The following MACROD2 variants were observed in gnomAD, a reference collection of about 807,000 sequenced individuals.
MACROD2 encodes ADP-ribose glycohydrolase MACROD2.
In MACROD2, 36 loss-of-function variants were observed where a neutral mutation model predicts 70.4. The observed-to-expected ratio is 0.51, with a 90% CI of 0.39 to 0.68. The LOEUF is 0.68. Ranked by LOEUF, MACROD2 falls within the 30% of genes least tolerant of loss-of-function variation. The pLI is 0.00. For synonymous variants in MACROD2, 172 were observed against 178.8 expected, an observed-to-expected ratio of 0.96 and a Z score of 0.30; for missense variants, 496 against 538.4, an observed-to-expected ratio of 0.92 and a Z score of 0.78.
intron 5 of MACROD2, among the ~76,000 whole-genome samples, chr20:14,825,894 C>A (rs2072896937): frequency 6.6e-6 from 1 of 152,124 alleles, no homozygotes; most frequent in Admixed American, 6.5e-5. Context: ...CAAAAGATCG[C>A]CCTCCCATTT....
chr20:14,946,908 A>G (rs2074437363), intron 5 of MACROD2, among the ~76,000 whole-genome samples: 1 of 152,260 alleles, frequency 6.6e-6, no homozygotes, highest in East Asian at 1.9e-4. Flanking sequence ...GACAATGTGT[A>G]TTTTGCTATG....
At chr20:15,944,015 T>C (rs1278181023) in intron 12 of MACROD2, among the ~76,000 whole-genome samples, 1 of 152,124 alleles carries the variant, frequency 6.6e-6, no homozygotes, top group African/African-American at 2.4e-5. Flanking sequence ...ATGGATTTTA[T>C]TGGTGTCATA....
At chr20:14,049,640 C>T (rs2053535463) in intron 2 of MACROD2, among the ~76,000 whole-genome samples, 1 of 151,194 alleles carries the variant, frequency 6.6e-6, no homozygotes, top group African/African-American at 2.4e-5. Flanking sequence ...GTAATCCCAG[C>T]TACTAAGGAG....
chr20:14,827,867 T>C (rs2072919802), intron 5 of MACROD2, among the ~76,000 whole-genome samples: 1 of 152,098 alleles, frequency 6.6e-6, no homozygotes, highest in African/African-American at 2.4e-5. Flanking sequence ...TATATAACCA[T>C]TTAATTTTTT....
intron 8 of MACROD2, 58 bp from the exon 9 acceptor site, chr20:15,862,687 C>A: frequency 1.4e-6 from 2 of 1,405,086 alleles, no homozygotes; most frequent in Non-Finnish European, 2.0e-6. Context: ...CGGCTATGTC[C>A]TGGCAGGGCA....
intron 3 of MACROD2, among the ~76,000 whole-genome samples, chr20:14,299,320 T>C (rs530245974): frequency 6.0e-4 from 91 of 152,300 alleles, no homozygotes; most frequent in South Asian, 3.7e-3. Context: ...TTGAGATATA[T>C]ACATATTTTA....
intron 2 of MACROD2, among the ~76,000 whole-genome samples, chr20:14,079,142 A>ACTT (rs1194669317): frequency 6.6e-6 from 1 of 152,198 alleles, no homozygotes; most frequent in African/African-American, 2.4e-5. Flanking sequence ...TTTTACTCTG[A>ACTT]TTCTTCCTGA....
At chr20:15,911,652 T>C (rs546274994) in intron 10 of MACROD2, among the ~76,000 whole-genome samples, 3 of 152,008 alleles carry the variant, frequency 2.0e-5, no homozygotes, top group Non-Finnish European at 4.4e-5. Context: ...TGAAAATCAG[T>C]GTGGTGGGAG....
chr20:15,651,485 C>A (rs1323212389), intron 8 of MACROD2, among the ~76,000 whole-genome samples: 1 of 152,122 alleles, frequency 6.6e-6, no homozygotes, highest in Non-Finnish European at 1.5e-5. Flanking sequence ...GGGTCGTTGG[C>A]AAAAGTTTGC....
intron 3 of MACROD2, among the ~76,000 whole-genome samples, chr20:14,214,933 T>C (rs975271959): frequency 6.6e-5 from 10 of 151,846 alleles, no homozygotes; most frequent in African/African-American, 1.9e-4. Context: ...TGCTGTTAAT[T>C]CATTCCTTTT....
chr20:15,535,441 A>T (rs1165136326), intron 8 of MACROD2, among the ~76,000 whole-genome samples: 1 of 152,224 alleles, frequency 6.6e-6, no homozygotes, highest in African/African-American at 2.4e-5. Context: ...AACTTGCTAT[A>T]TCAGAAATCC....
intron 5 of MACROD2, among the ~76,000 whole-genome samples, chr20:15,070,042 C>A (rs2075606993): frequency 6.6e-6 from 1 of 152,156 alleles, no homozygotes; most frequent in Admixed American, 6.5e-5. Context: ...AGCACAGAGG[C>A]TGCACCCTAC....
chr20:15,520,138 G>A (rs1300998986), intron 8 of MACROD2, among the ~76,000 whole-genome samples: 1 of 152,152 alleles, frequency 6.6e-6, no homozygotes, highest in Non-Finnish European at 1.5e-5. Flanking sequence ...ATAGGTAAAT[G>A]TTTCTTTAAA....
intron 3 of MACROD2, among the ~76,000 whole-genome samples, chr20:14,126,073 G>A (rs373041436): frequency 2.6e-5 from 4 of 152,134 alleles, no homozygotes; most frequent in African/African-American, 7.2e-5. Context: ...CATGTATTCT[G>A]TTTTAGTTTA....
chr20:15,460,719 T>C (rs2046796271), intron 7 of MACROD2, among the ~76,000 whole-genome samples: 1 of 151,962 alleles, frequency 6.6e-6, no homozygotes, highest in Admixed American at 6.6e-5. Context: ...ACTGTGGTGG[T>C]TTCTGTTTGC....
chr20:15,217,658 T>C (rs1262631800), intron 5 of MACROD2, among the ~76,000 whole-genome samples: 1 of 152,194 alleles, frequency 6.6e-6, no homozygotes, highest in Non-Finnish European at 1.5e-5. Context: ...TTTTCTCATA[T>C]CATCTCAACC....
intron 3 of MACROD2, among the ~76,000 whole-genome samples, chr20:14,465,001 T>A (rs2084424400): frequency 6.6e-6 from 1 of 152,108 alleles, no homozygotes; most frequent in Non-Finnish European, 1.5e-5. Context: ...CTGAAAAGAA[T>A]GTATATTCTG....
At chr20:14,908,595 G>A (rs1342768711) in intron 5 of MACROD2, among the ~76,000 whole-genome samples, 1 of 149,462 alleles carries the variant, frequency 6.7e-6, no homozygotes, top group Non-Finnish European at 1.5e-5. Context: ...CCTGGGAGGC[G>A]GAGGTTGCAG....
At chr20:14,160,629 G>A (rs764742731) in intron 3 of MACROD2, among the ~76,000 whole-genome samples, 1 of 151,846 alleles carries the variant, frequency 6.6e-6, no homozygotes, top group Non-Finnish European at 1.5e-5. Flanking sequence ...TGTTAGTATA[G>A]CAAGTAGCTT....
Sources: allele counts gnomAD v4.1 joint callset (sites outside exome capture counted in the v4.1 genomes callset), GRCh38; gene constraint gnomAD v4.1.1; transcripts MANE v1.5; gene names NCBI Gene and HGNC (gene_info 2026-07-23, HGNC 2026-07-21).